The following TENM2 variants were observed in gnomAD, a reference collection of about 807,000 sequenced individuals.
TENM2 encodes teneurin-2.
TENM2 carries 52 observed loss-of-function variants against 245.2 expected under a neutral mutation model. That is an observed-to-expected ratio of 0.21 (90% CI 0.17 to 0.27). The LOEUF (loss-of-function observed/expected upper bound fraction) is 0.27, where lower values mean the gene tolerates loss of function less well. TENM2 is among the 10% of genes least tolerant of loss of function. The pLI, the probability that TENM2 is intolerant of heterozygous loss-of-function variation, is 1.00. For synonymous variants in TENM2, 1,363 were observed against 1,438.9 expected (o/e 0.95, Z 1.19); for missense variants, 3,046 against 3,666.8 (o/e 0.83, Z 4.37).
chr5:167,809,693 G>C (rs1281506359), intron 2 of TENM2, among the ~76,000 whole-genome samples: 2 of 151,986 alleles, frequency 1.3e-5, no homozygotes, highest in African/African-American at 4.8e-5. Context: ...TTTTTAAGTA[G>C]TTGGCAAAAT....
At chr5:167,835,658 G>C (rs1402215566) in intron 2 of TENM2, among the ~76,000 whole-genome samples, 2 of 152,060 alleles carry the variant, frequency 1.3e-5, no homozygotes, top group Non-Finnish European at 2.9e-5. Context: ...GAATTGTAAG[G>C]ACATGCATGA....
intron 1 of TENM2, among the ~76,000 whole-genome samples, chr5:167,346,855 C>T (rs1178868018): frequency 6.6e-6 from 1 of 152,092 alleles, no homozygotes; most frequent in Non-Finnish European, 1.5e-5. Context: ...CTTTCTGCAG[C>T]CTTGACCTCC....
At chr5:167,573,030 G>T (rs1325693153) in intron 2 of TENM2, among the ~76,000 whole-genome samples, 1 of 151,726 alleles carries the variant, frequency 6.6e-6, no homozygotes, top group Non-Finnish European at 1.5e-5. Context: ...ACTTGAACTA[G>T]GAAACACAGG....
intron 3 of TENM2, among the ~76,000 whole-genome samples, chr5:167,929,129 GAA>G (rs869307718): frequency 9.9e-6 from 1 of 100,886 alleles, no homozygotes; most frequent in Non-Finnish European, 2.0e-5. Flanking sequence ...AAGAAAGAAA[GAA>G]AAGAAAGAAG....
the TENM2 span, among the ~76,000 whole-genome samples, chr5:167,125,799 C>T: frequency 6.7e-4 from 102 of 152,096 alleles, no homozygotes; most frequent in Admixed American, 2.6e-4. Context: ...AACTTCTAAT[C>T]CAATTCTCAC....
intron 2 of TENM2, among the ~76,000 whole-genome samples, chr5:167,856,022 T>C (rs1208244500): frequency 6.6e-6 from 1 of 152,218 alleles, no homozygotes; most frequent in African/African-American, 2.4e-5. Context: ...GTCTAGGAAC[T>C]CTGATGGAAA....
chr5:167,471,387 A>ACT (rs1767018381), intron 2 of TENM2, among the ~76,000 whole-genome samples: 3 of 152,206 alleles, frequency 2.0e-5, no homozygotes, highest in African/African-American at 7.2e-5. Context: ...GCAGTTTTCT[A>ACT]AAAAGGAATA....
At position 168,090,564 on chromosome 5, in the gene TENM2, C is replaced by T; in HGVS notation, c.1516-10C>T. On this transcript the variant is annotated splice_polypyrimidine_tract_variant and intron_variant, in intron 7 of 28. Transcript: ENST00000518659. ...TGTCTCATGCATGGTACTCTCTCTC[C>T]TTTTCCCAGTATGACTTCATGGAAC... 1 of 1,610,730 alleles carries T rather than the reference C, an allele frequency of 6.2e-7. No individual in the cohort carries two copies. Among genetic ancestry groups the T allele is most frequent in the Non-Finnish European group, 8.5e-7 (1 of 1,178,792 alleles).
chr5:167,467,840 T>C (rs1447042445), intron 2 of TENM2, among the ~76,000 whole-genome samples: 1 of 152,226 alleles, frequency 6.6e-6, no homozygotes, highest in Non-Finnish European at 1.5e-5. Flanking sequence ...ATTAAGTATT[T>C]GGTTACCTCA....
chr5:167,093,354 A>G, the TENM2 span, among the ~76,000 whole-genome samples: 1 of 152,168 alleles, frequency 6.6e-6, no homozygotes, highest in Non-Finnish European at 1.5e-5. Flanking sequence ...ATTTTGTGCC[A>G]GGTTGTCTTT....
chr5:167,350,703 T>C (rs1758807713), intron 1 of TENM2, among the ~76,000 whole-genome samples: 1 of 143,350 alleles, frequency 7.0e-6, no homozygotes, highest in Non-Finnish European at 1.5e-5. Context: ...GATACATATA[T>C]GGATATATAT....
chr5:167,858,791 CTT>C (rs1214621886), intron 2 of TENM2, among the ~76,000 whole-genome samples: 1 of 150,370 alleles, frequency 6.7e-6, no homozygotes, highest in Non-Finnish European at 1.5e-5. Context: ...CTGTCTCAGT[CTT>C]TGCCGCCGCG....
chr5:167,768,044 G>C (rs561270177), intron 2 of TENM2, among the ~76,000 whole-genome samples: 1 of 152,162 alleles, frequency 6.6e-6, no homozygotes, highest in Non-Finnish European at 1.5e-5. Flanking sequence ...CTAGCATGTG[G>C]CTAGAGTTGT....
intron 2 of TENM2, among the ~76,000 whole-genome samples, chr5:167,606,311 G>T (rs778453310): frequency 1.2e-4 from 19 of 152,148 alleles, no homozygotes; most frequent in Non-Finnish European, 2.2e-4. Flanking sequence ...TCTGAGATCA[G>T]GGTGCCAGCA....
In TENM2 at chr5:167,334,559, G is replaced by T. The variant is rs146951519; in HGVS notation, c.227-40639G>T. Among the ~76,000 whole-genome samples the T allele has an allele frequency of 6.4e-3, 973 of 152,214 alleles. 5 individuals are homozygous for T. The highest frequency in any genetic ancestry group is 0.011 in the Non-Finnish European group (748 of 68,016). On this transcript the variant is annotated intron_variant, in intron 1 of 28. Coordinates refer to ENST00000518659, the Ensembl canonical transcript of TENM2. ...ATTCCAGGAATTCTCATTCAATAGT[G>T]CATTTTCTCTTTCTTTGTCTCTCTT...
chr5:167,783,341 G>A (rs750365928), intron 2 of TENM2, among the ~76,000 whole-genome samples: 7 of 152,078 alleles, frequency 4.6e-5, no homozygotes, highest in African/African-American at 7.2e-5. Flanking sequence ...GCAGTGAGGG[G>A]CAGGAGTGAG....
intron 5 of TENM2, among the ~76,000 whole-genome samples, chr5:168,031,567 A>C (rs916266458): frequency 1.3e-5 from 2 of 152,046 alleles, no homozygotes; most frequent in Non-Finnish European, 2.9e-5. Context: ...TATGATTCCC[A>C]TTTTGCAGAT....
intron 2 of TENM2, among the ~76,000 whole-genome samples, chr5:167,837,139 T>C (rs957504270): frequency 6.6e-6 from 1 of 152,030 alleles, no homozygotes; most frequent in Non-Finnish European, 1.5e-5. Flanking sequence ...ATTTCTCACA[T>C]GATTTACTAT....
intron 2 of TENM2, among the ~76,000 whole-genome samples, chr5:167,382,530 T>A (rs886847430): frequency 1.3e-5 from 2 of 152,180 alleles, no homozygotes; most frequent in Non-Finnish European, 2.9e-5. Context: ...TCACTCCCCA[T>A]CCTCATTTCT....
Sources: gnomAD v4.1 joint callset for allele counts (sites outside exome capture counted in the v4.1 genomes callset) on GRCh38, gnomAD v4.1.1 for gene constraint, MANE v1.5 for transcripts, NCBI Gene and HGNC (gene_info 2026-07-23, HGNC 2026-07-21) for gene names.